MAG: variants seen among roughly 807,000 people sequenced by gnomAD.
The protein encoded by MAG is myelin associated glycoprotein.
A neutral mutation model predicts 60.7 loss-of-function variants in MAG; 30 were observed. That is an observed-to-expected ratio of 0.49 (90% CI 0.37 to 0.67). The LOEUF (loss-of-function observed/expected upper bound fraction) is 0.67. Among genes scored for constraint, MAG ranks in the 30% least tolerant of loss-of-function variants. The probability of loss-of-function intolerance (pLI) is 0.00; values close to 1 mark genes in which losing one functional copy is unlikely to be tolerated. For synonymous variants in MAG, 384 were observed against 376.8 expected (o/e 1.02, Z -0.22); for missense variants, 795 against 851.7 (o/e 0.93, Z 0.83).
Position 35,310,167 on chromosome 19 carries a change from T to A in MAG, c.1519+6T>A. On this transcript the variant is annotated splice_donor_region_variant and intron_variant, in intron 8 of 10. Coordinates refer to ENST00000392213, the MANE Select transcript of MAG (RefSeq NM_002361.4). ...GCTGCCCTTCCAGGGAGCCCGTGAGTGGCGTGGACTTGGGGTGGGAGCCAC... is the reference window on the plus strand; with the variant it reads ...GCTGCCCTTCCAGGGAGCCCGTGAGAGGCGTGGACTTGGGGTGGGAGCCAC... 6.3e-7 allele frequency: 1 copy of A among 1,598,898 alleles called. No homozygotes were observed. The highest frequency in any genetic ancestry group is 8.5e-7 in the Non-Finnish European group (1 of 1,170,276).
Position 35,313,387 on chromosome 19 carries a change from G to A in MAG, c.1814G>A (p.Arg605Gln), listed in dbSNP as rs199868106. The change falls in exon 11 of 11, where the codon CGG becomes CAG. Residue 605 changes from arginine (R) to glutamine (Q), a missense_variant. Coordinates refer to ENST00000392213, the MANE Select transcript of MAG (RefSeq NM_002361.4). ...LSYSHSDLGK[R>Q]PTKDSYTLTE... is the part of the protein sequence containing the mutation. Reference sequence around the variant, plus strand: ...TATTCTCACTCGGACCTGGGGAAACGGCCCACCAAGGACAGCTACACGCTG... The same window carrying A: ...TATTCTCACTCGGACCTGGGGAAACAGCCCACCAAGGACAGCTACACGCTG... 12 of 1,613,972 alleles carry A rather than the reference G, an allele frequency of 7.4e-6. No individual in the cohort carries two copies. The highest frequency in any genetic ancestry group is 4.4e-5 in the South Asian group (4 of 91,092).
intron 6 of MAG, 133 bp from the exon 7 acceptor site, chr19:35,302,314 TG>T: frequency 1.0e-6 from 1 of 977,090 alleles, no homozygotes; most frequent in Non-Finnish European, 1.5e-6. Context: ...TAGCCAGGAC[TG>T]GGGTCACCTG....
At chr19:35,309,840 C>T (rs779326775) in intron 7 of MAG, 34 bp from the exon 8 acceptor site, 14 of 1,589,980 alleles carry the variant, frequency 8.8e-6, no homozygotes, top group African/African-American at 8.0e-5. Flanking sequence ...GCGTTGGCTC[C>T]GGGCCACCCT....
chr19:35,294,695 C>T (rs1276682404), intron 2 of MAG, among the ~76,000 whole-genome samples: 1 of 152,094 alleles, frequency 6.6e-6, no homozygotes, highest in Admixed American at 6.5e-5. Flanking sequence ...GCAGGAGGAT[C>T]GCTTGAGCCA....
chr19:35,295,094 T>C lies in MAG; in HGVS notation c.-23-292T>C, dbSNP rs2145603790. Among the ~76,000 whole-genome samples the C allele has an allele frequency of 6.6e-6, 1 of 152,112 alleles. No individual in the cohort carries two copies. ...GTAAGACCCCACCTCCACAACCATT[T>C]CCACAAAAAAGAAGAAAAATTAACT... On this transcript the variant is annotated intron_variant, in intron 2 of 10. Coordinates refer to ENST00000392213, the MANE Select transcript of MAG (RefSeq NM_002361.4). The surrounding 1 kb of genome is among the most constrained non-coding windows in gnomAD (Gnocchi z 5.8).
intron 10 of MAG, 98 bp downstream of exon 10, chr19:35,312,115 C>A: frequency 7.7e-7 from 1 of 1,304,916 alleles, no homozygotes. Flanking sequence ...GGAGTGGGAG[C>A]GGCCTCTCAC....
In MAG at chr19:35,295,542, G is replaced by A; in HGVS notation, c.47-71G>A. On this transcript the variant is annotated intron_variant, in intron 3 of 10. Transcript: ENST00000392213. The surrounding 1 kb of genome is among the most constrained non-coding windows in gnomAD (Gnocchi z 5.8). ...CCCCGCAGCCCCCCGGCATGTGGTTGGGGATGGGAGCCGGAGGGGGTGATC... is the reference window on the plus strand; with the variant it reads ...CCCCGCAGCCCCCCGGCATGTGGTTAGGGATGGGAGCCGGAGGGGGTGATC... 1.2e-6 allele frequency: 2 copies of A among 1,603,550 alleles called. No homozygotes were observed. Among genetic ancestry groups the A allele is most frequent in the Non-Finnish European group, 8.5e-7 (1 of 1,174,820 alleles).
chr19:35,297,488 C>T (rs1298732726), intron 4 of MAG, among the ~76,000 whole-genome samples: 2 of 149,780 alleles, frequency 1.3e-5, no homozygotes, highest in Non-Finnish European at 3.0e-5. Context: ...ACACACTACC[C>T]ACACACCACA....
At chr19:35,297,972 C>G (rs534355912) in intron 4 of MAG, among the ~76,000 whole-genome samples, 1 of 150,378 alleles carries the variant, frequency 6.6e-6, no homozygotes, top group African/African-American at 2.4e-5. Context: ...ACACACCACA[C>G]ACTACACAAA....
At chr19:35,298,651 ACACAC>A (rs2066421722) in intron 4 of MAG, among the ~76,000 whole-genome samples, 2 of 149,936 alleles carry the variant, frequency 1.3e-5, no homozygotes, top group South Asian at 4.2e-4. Context: ...CACAGCACAC[ACACAC>A]CACACATGAT....
At chr19:35,300,565 A>T (rs897904800) in intron 6 of MAG, among the ~76,000 whole-genome samples, 161 bp downstream of exon 6, 1 of 152,186 alleles carries the variant, frequency 6.6e-6, no homozygotes, top group Admixed American at 6.5e-5. Flanking sequence ...GTGTACCTTC[A>T]TTCTTTCCAC....
chr19:35,295,710 T>A lies in MAG; in HGVS notation c.144T>A (p.Asp48Glu). 1 of 1,613,732 alleles carries A rather than the reference T, an allele frequency of 6.2e-7. No individual in the cohort carries two copies. Among genetic ancestry groups the A allele is most frequent in the Non-Finnish European group, 8.5e-7 (1 of 1,180,006 alleles). The change falls in exon 4 of 11, where the codon GAT (aspartate) becomes GAA (glutamate). Residue 48 changes from aspartate (D) to glutamate (E), a missense_variant. Asp to Glu is a conservative substitution (Grantham distance 45, BLOSUM62 2). Coordinates refer to ENST00000392213, the MANE Select transcript of MAG (RefSeq NM_002361.4). The surrounding 1 kb of genome is among the most constrained non-coding windows in gnomAD (Gnocchi z 5.8). ...TCCCCTGCCGCTTTGACTTCCCGGA[T>A]GAGCTGCGGCCCGCTGTGGTGCATG... ...VSIPCRFDFP[D>E]ELRPAVVHGV...
At chr19:35,310,426 G>A (rs1029008022) in intron 8 of MAG, 121 bp from the exon 9 acceptor site, 5 of 933,490 alleles carry the variant, frequency 5.4e-6, no homozygotes, top group African/African-American at 3.2e-5. Context: ...CAATCAGTCA[G>A]TGCAAGGATG....
At chr19:35,300,026 GGGGCGGGGCCAAGGCTGA>G (rs1467905635) in intron 5 of MAG, 103 bp from the exon 6 acceptor site, 5 of 1,374,486 alleles carry the variant, frequency 3.6e-6, no homozygotes, top group Non-Finnish European at 9.5e-7. Context: ...AGGCAGTCCT[GGGGCGGGGCCAAGGCTGA>G]GGGCGGGGCC....
At chr19:35,296,580 A>G (rs1360341361) in intron 4 of MAG, among the ~76,000 whole-genome samples, 3 of 152,128 alleles carry the variant, frequency 2.0e-5, no homozygotes, top group African/African-American at 7.2e-5. Context: ...AGCCAAATAG[A>G]ATACAGCTAT....
intron 4 of MAG, among the ~76,000 whole-genome samples, chr19:35,298,145 C>T (rs1198456801): frequency 1.3e-5 from 2 of 151,014 alleles, no homozygotes; most frequent in Non-Finnish European, 3.0e-5. Flanking sequence ...GCTACCCACA[C>T]ATCAAACACA....
rs1389476926 is a variant in MAG, at chr19:35,300,656, C to T, written c.970+252C>T. On this transcript the variant is annotated intron_variant, in intron 6 of 10. Coordinates refer to ENST00000392213, the MANE Select transcript of MAG (RefSeq NM_002361.4). ...CCTGCCTCCTAGGGAAGCCTGTTAA[C>T]TGCAGCTTCCTGGGGGCAGTTCCTG... Among the ~76,000 whole-genome samples, 6 of 152,352 alleles carry T rather than the reference C, an allele frequency of 3.9e-5. No individual in the cohort carries two copies. The East Asian group carries it at 1.2e-3, about 29-fold the overall frequency.
intron 6 of MAG, among the ~76,000 whole-genome samples, chr19:35,301,368 C>T (rs985278290): frequency 6.6e-6 from 1 of 151,428 alleles, no homozygotes; most frequent in African/African-American, 2.4e-5. Flanking sequence ...GCAAAGTGCC[C>T]AGCACTGGGG....
chr19:35,295,794 G>A lies in MAG; in HGVS notation c.228G>A (p.Ser76=), dbSNP rs142334011. 3,880 of 1,613,682 alleles carry A rather than the reference G, an allele frequency of 2.4e-3. 18 individuals carry two copies. Among genetic ancestry groups the A allele is most frequent in the Middle Eastern group, 0.016 (98 of 6,056 alleles). Residue 76 remains serine, a synonymous_variant, in exon 4 of 11, where the codon TCG becomes TCA. Transcript: ENST00000392213. This position sits in a 1 kb window ranked among gnomAD's most constrained non-coding sequence, Gnocchi z 5.8. ...PKNYPPVVFK[S]RTQVVHESFQ... ...ACTACCCCCCGGTGGTCTTCAAGTC[G>A]CGCACCCAAGTAGTCCACGAGAGCT... is the stretch of plus-strand genomic sequence containing the variant.
Sources: gnomAD v4.1 joint callset for allele counts (sites outside exome capture counted in the v4.1 genomes callset) on GRCh38, gnomAD v4.1.1 for gene constraint, Gnocchi (gnomAD v3.1) non-coding constraint, MANE v1.5 for transcripts, NCBI Gene and HGNC (gene_info 2026-07-23, HGNC 2026-07-21) for gene names.